Variants in RBM41 observed in about 807,000 individuals in gnomAD.
RBM41 encodes the protein RNA-binding protein 41.
RBM41 carries 14 observed loss-of-function variants against 30.8 expected under a neutral mutation model. That is an observed-to-expected ratio of 0.45 (90% CI 0.30 to 0.71). The LOEUF is 0.71. Ranked by LOEUF, RBM41 falls within the 30% of genes least tolerant of loss-of-function variation. RBM41 has a pLI of 0.08. For synonymous variants in RBM41, 120 were observed against 110.1 expected (o/e 1.09, Z -0.56); for missense variants, 276 against 326.3 (o/e 0.85, Z 1.19).
downstream of RBM41, among the ~76,000 whole-genome samples, chrX:107,058,589 G>A (rs1298446531): frequency 1.8e-5 from 2 of 111,576 alleles, no homozygotes; most frequent in African/African-American, 3.3e-5. Context: ...CATACACTGG[G>A]AATATGGCAT....
downstream of RBM41, among the ~76,000 whole-genome samples, chrX:107,060,942 A>G (rs1935629320): frequency 9.0e-6 from 1 of 111,698 alleles, no homozygotes; most frequent in Non-Finnish European, 1.9e-5. Context: ...TGCACTAAAA[A>G]GGGCTAAAAA....
intron 5 of RBM41, among the ~76,000 whole-genome samples, chrX:107,107,706 C>T (rs901102387): frequency 1.1e-4 from 12 of 110,929 alleles, no homozygotes; most frequent in African/African-American, 3.9e-4. Flanking sequence ...GATTCATTGT[C>T]AAGATGGGTG....
intron 5 of RBM41, among the ~76,000 whole-genome samples, chrX:107,110,984 T>C (rs1924412689): frequency 9.0e-6 from 1 of 111,133 alleles, no homozygotes; most frequent in Admixed American, 9.5e-5. Context: ...TTCATAACAA[T>C]GGATTTGGCA....
the RBM41 span, among the ~76,000 whole-genome samples, chrX:107,054,995 A>C: frequency 1.8e-5 from 2 of 112,444 alleles, no homozygotes; most frequent in Non-Finnish European, 3.8e-5. Flanking sequence ...ACCATTAAGC[A>C]GTAACTCCCC....
At chrX:107,056,326 G>T in the RBM41 span, among the ~76,000 whole-genome samples, 1 of 111,757 alleles carries the variant, frequency 8.9e-6, no homozygotes, top group Non-Finnish European at 1.9e-5. Flanking sequence ...ATCTGTATTC[G>T]TAAGGGACAT....
In RBM41 at chrX:107,067,235, A is replaced by G. The variant is rs942301688; in HGVS notation, c.*292T>C. Reference sequence around the variant, plus strand: ...AAATATTGAGGACCCCAGAAAAATTATAAAGATTTTTAAAAATCCTTAGGA... The same window carrying G: ...AAATATTGAGGACCCCAGAAAAATTGTAAAGATTTTTAAAAATCCTTAGGA... On this transcript the variant is annotated 3_prime_UTR_variant, in exon 8 of 8. Coordinates refer to ENST00000685964, the MANE Select transcript of RBM41 (RefSeq NM_001324242.2). 1 of 814,952 alleles carries G rather than the reference A, an allele frequency of 1.2e-6. No individual in the cohort carries two copies. The highest frequency in any genetic ancestry group is 2.2e-5 in the African/African-American group (1 of 45,856). 67.2% of individuals were successfully genotyped at this position (814,952 alleles called of 1,213,427 possible). A position where few individuals can be genotyped will look rare whatever the true frequency, so the allele number is the denominator to read the frequency against.
chrX:107,069,316 A>G lies in RBM41; in HGVS notation c.1086T>C (p.Pro362=). ...LFARFQEKKG[P]PIQFRMMTGR... is the part of the protein sequence containing the mutation. ...CAGTCATCATTCGGAATTGAATTGG[A>G]GGTCCTTTTTTCTCCTGGAACCGAG... The change falls in exon 7 of 8, where the codon CCT becomes CCC. Residue 362 remains proline, a synonymous_variant. Transcript: ENST00000685964. 8.3e-7 allele frequency: 1 copy of G among 1,210,668 alleles called. No individual in the cohort carries two copies.
chrX:107,102,560 T>C (rs1300052719), intron 5 of RBM41, among the ~76,000 whole-genome samples: 1 of 111,475 alleles, frequency 9.0e-6, no homozygotes, highest in Non-Finnish European at 1.9e-5. Flanking sequence ...TCATGTCTAA[T>C]GGTGTAAATC....
chrX:107,067,281 C>G lies in RBM41; in HGVS notation c.*246G>C. 2 of 886,787 alleles carry G rather than the reference C, an allele frequency of 2.3e-6. No individual in the cohort carries two copies. Among genetic ancestry groups the G allele is most frequent in the Non-Finnish European group, 2.8e-6 (2 of 722,563 alleles). The allele number at this position is 886,787 out of a possible 1,213,427, so 73.1% of individuals were successfully genotyped here. A position where few individuals can be genotyped will look rare whatever the true frequency, so the allele number is the denominator to read the frequency against. On this transcript the variant is annotated 3_prime_UTR_variant, in exon 8 of 8. Transcript: ENST00000685964. ...TAGGAATAATCCGTTGTAATTCATC[C>G]TGAGAAAATAATACTCTTTGCACTT...
At chrX:107,068,279 C>T (rs1935915917) in intron 7 of RBM41, among the ~76,000 whole-genome samples, 1 of 110,868 alleles carries the variant, frequency 9.0e-6, no homozygotes, top group Non-Finnish European at 1.9e-5. Flanking sequence ...GATTTGTGGC[C>T]AGGAGTTTGT....
intron 6 of RBM41, among the ~76,000 whole-genome samples, chrX:107,078,686 C>T (rs1436403681): frequency 9.0e-6 from 1 of 111,264 alleles, no homozygotes; most frequent in African/African-American, 3.3e-5. Flanking sequence ...ATTGAAAGCT[C>T]TTTCATTTGG....
At chrX:107,106,922 T>G (rs1401156737) in intron 5 of RBM41, among the ~76,000 whole-genome samples, 1 of 109,184 alleles carries the variant, frequency 9.2e-6, no homozygotes, top group Non-Finnish European at 1.9e-5. Flanking sequence ...TAATGTTAAA[T>G]GACGAGTTAA....
rs752801634 is a variant in RBM41 at position 107,116,753 on chromosome X, C to G, written c.22G>C (p.Val8Leu). The G allele has an allele frequency of 8.3e-7, 1 of 1,210,110 alleles. No individual in the cohort carries two copies. Among genetic ancestry groups the G allele is most frequent in the East Asian group, 3.0e-5 (1 of 33,840 alleles). The stretch of plus-strand genomic sequence containing the variant: ...TCCAGGACATGCTCATCACTCTTCA[C>G]ACAGCTGTTTACCCTGGAGTAGACA... MKRVNSC[V>L]KSDEHVLEEL... The change falls in exon 2 of 8, where the codon GTG becomes CTG. Residue 8 changes from valine (V) to leucine (L), a missense_variant. Val to Leu is a conservative substitution (Grantham distance 32). Transcript: ENST00000685964.
chrX:107,063,952 CT>C lies in RBM41; in HGVS notation c.*3574del, dbSNP rs1202676973. Among the ~76,000 whole-genome samples the C allele has an allele frequency of 0.043, 3,946 of 90,808 alleles. 242 individuals are homozygous for C. The highest frequency in any genetic ancestry group is 0.15 in the African/African-American group (3,709 of 24,312). 78.9% of individuals were successfully genotyped at this position (90,808 alleles called of 115,157 possible). On this transcript the variant is annotated 3_prime_UTR_variant, in exon 8 of 8. Coordinates refer to ENST00000685964, the MANE Select transcript of RBM41 (RefSeq NM_001324242.2). The stretch of plus-strand genomic sequence containing the variant: ...AGGTTAGTGCTATGGTCTTTCTTTT[CT>C]TTTTTTTTTTTTTTTTGAGATGGAG...
At chrX:107,057,375 T>C (rs750240318), downstream of RBM41, among the ~76,000 whole-genome samples, 65 of 112,238 alleles carry the variant, frequency 5.8e-4, no homozygotes, top group African/African-American at 1.8e-3. Context: ...GTGTTTTTGT[T>C]TTCATTTGTC....
At chrX:107,089,729 CAT>C (rs941371851) in intron 5 of RBM41, among the ~76,000 whole-genome samples, 3 of 111,707 alleles carry the variant, frequency 2.7e-5, no homozygotes, top group African/African-American at 9.8e-5. Context: ...TCATAAGACA[CAT>C]AACGTTTGGT....
chrX:107,095,072 T>A (rs1041221431), intron 5 of RBM41, among the ~76,000 whole-genome samples: 2 of 102,889 alleles, frequency 1.9e-5, no homozygotes, highest in Non-Finnish European at 1.9e-5. Flanking sequence ...CCCCTAAGAC[T>A]GGGAACAAGG....
At chrX:107,068,731 T>C (rs1011323408) in intron 7 of RBM41, among the ~76,000 whole-genome samples, 1 of 111,796 alleles carries the variant, frequency 8.9e-6, no homozygotes, top group African/African-American at 3.3e-5. Flanking sequence ...CAACATATTA[T>C]CTGGTCTGTC....
chrX:107,109,855 T>C (rs949907075), intron 5 of RBM41, among the ~76,000 whole-genome samples: 1 of 111,612 alleles, frequency 9.0e-6, no homozygotes, highest in African/African-American at 3.2e-5. Flanking sequence ...TTTTAATTCA[T>C]TGACTGTTTG....
Sources: gnomAD v4.1 joint callset for allele counts (sites outside exome capture counted in the v4.1 genomes callset) on GRCh38, gnomAD v4.1.1 for gene constraint, MANE v1.5 for transcripts, NCBI Gene and HGNC (gene_info 2026-07-23, HGNC 2026-07-21) for gene names.